CHODL: variants seen among roughly 807,000 people sequenced by gnomAD.
CHODL encodes transmembrane protein MT75.
In CHODL, 29 loss-of-function variants were observed where a neutral mutation model predicts 34.5. The ratio of observed to expected loss-of-function variants is 0.84; its 90% confidence interval spans 0.63 to 1.15. CHODL has a LOEUF of 1.15. Among genes scored for constraint, CHODL ranks in the 50% most tolerant of loss-of-function variants. The pLI, the probability that CHODL is intolerant of heterozygous loss-of-function variation, is 0.00. For missense variants in CHODL, 332 were observed against 332.5 expected (o/e 1.00, Z 0.01); for synonymous variants, 125 against 116.1 (o/e 1.08, Z -0.49).
chr21:17,956,604 G>A lies in CHODL; in HGVS notation c.-145+39204G>A, dbSNP rs1293009874. 1.5e-5 allele frequency among the ~76,000 whole-genome samples: 2 copies of A among 136,162 alleles called. 1 individual carries two copies. The highest frequency in any genetic ancestry group is 3.3e-5 in the Non-Finnish European group (2 of 60,002). 89.3% of individuals were successfully genotyped at this position (136,162 alleles called of 152,430 possible). The stretch of plus-strand genomic sequence containing the variant: ...AAATTTATTTATCACAGTTCTGGAG[G>A]CTGAGAGGTCCAAGATCAAGGCACC... On this transcript the variant is annotated intron_variant, in intron 1 of 6. Transcript: ENST00000400127.
At chr21:17,992,771 C>T (rs182241240) in intron 1 of CHODL, among the ~76,000 whole-genome samples, 1 of 114,822 alleles carries the variant, frequency 8.7e-6, no homozygotes, top group African/African-American at 3.5e-5. Flanking sequence ...TCTGTTGCTT[C>T]AGCCTCCCGA....
At chr21:18,168,152 G>T (rs1158262725) in intron 2 of CHODL, among the ~76,000 whole-genome samples, 1 of 152,206 alleles carries the variant, frequency 6.6e-6, no homozygotes, top group African/African-American at 2.4e-5. Flanking sequence ...GCAAACTGAA[G>T]GCTGCCCTGT....
intron 3 of CHODL, 114 bp from the exon 4 acceptor site, chr21:18,260,086 G>C: frequency 2.9e-6 from 1 of 343,282 alleles, no homozygotes. Context: ...GCTGTAAGCT[G>C]TTCAGAAATC....
At chr21:18,010,800 T>A (rs1287696411) in intron 1 of CHODL, among the ~76,000 whole-genome samples, 1 of 152,228 alleles carries the variant, frequency 6.6e-6, no homozygotes, top group Non-Finnish European at 1.5e-5. Context: ...CCATTTAAGC[T>A]TTTTAGCATT....
intron 1 of CHODL, among the ~76,000 whole-genome samples, chr21:17,918,163 G>A (rs1376754375): frequency 1.3e-5 from 2 of 151,234 alleles, no homozygotes; most frequent in East Asian, 3.9e-4. Context: ...TGGGGGTGAG[G>A]GGGGTTTTCA....
intron 1 of CHODL, among the ~76,000 whole-genome samples, chr21:17,932,923 G>C (rs1174593643): frequency 1.3e-5 from 2 of 152,176 alleles, no homozygotes; most frequent in African/African-American, 4.8e-5. Context: ...TCTCGGAGAG[G>C]GGGATGTGGC....
At chr21:18,111,199 C>T (rs1601017863) in intron 2 of CHODL, among the ~76,000 whole-genome samples, 1 of 152,162 alleles carries the variant, frequency 6.6e-6, no homozygotes. Context: ...ATAATATATT[C>T]CCGTTTGTGT....
intron 1 of CHODL, among the ~76,000 whole-genome samples, chr21:18,246,343 C>T (rs2074141587): frequency 6.6e-6 from 1 of 152,142 alleles, no homozygotes; most frequent in Non-Finnish European, 1.5e-5. Flanking sequence ...ACCTATACAA[C>T]AGGTGTCACT....
At chr21:18,058,554 A>C (rs2064613178) in intron 2 of CHODL, among the ~76,000 whole-genome samples, 2 of 152,230 alleles carry the variant, frequency 1.3e-5, no homozygotes. Context: ...ATGAGCTTGG[A>C]GGACATTATG....
chr21:18,016,907 T>C (rs757319879), intron 1 of CHODL, among the ~76,000 whole-genome samples: 2 of 152,228 alleles, frequency 1.3e-5, no homozygotes, highest in African/African-American at 2.4e-5. Context: ...ATTTAATGAG[T>C]GCCCTGGCAG....
At chr21:18,046,459 G>A (rs1376622625) in intron 2 of CHODL, among the ~76,000 whole-genome samples, 1 of 151,896 alleles carries the variant, frequency 6.6e-6, no homozygotes, top group East Asian at 1.9e-4. Context: ...GATATATTTT[G>A]AGATTAGAAT....
intron 2 of CHODL, among the ~76,000 whole-genome samples, chr21:18,038,225 G>T (rs1406913456): frequency 6.6e-6 from 1 of 151,658 alleles, no homozygotes; most frequent in South Asian, 2.1e-4. Flanking sequence ...ATGCTAAATT[G>T]TGCATTTCCC....
chr21:18,074,598 G>T (rs1240633562), intron 2 of CHODL, among the ~76,000 whole-genome samples: 2 of 152,126 alleles, frequency 1.3e-5, no homozygotes, highest in Non-Finnish European at 2.9e-5. Context: ...TACTTGAAGA[G>T]GAACTTGTGG....
chr21:18,229,662 A>G (rs2073961641), intron 2 of CHODL, among the ~76,000 whole-genome samples: 1 of 152,128 alleles, frequency 6.6e-6, no homozygotes, highest in South Asian at 2.1e-4. Flanking sequence ...TTTGTGGAAT[A>G]ATAATACAAA....
At chr21:18,149,105 CAT>C (rs1348998267) in intron 2 of CHODL, among the ~76,000 whole-genome samples, 1 of 152,154 alleles carries the variant, frequency 6.6e-6, no homozygotes, top group Non-Finnish European at 1.5e-5. Context: ...AAAAGTAAAA[CAT>C]AACCATCAGA....
chr21:17,986,932 A>C (rs879678912), intron 1 of CHODL, among the ~76,000 whole-genome samples: 3 of 152,200 alleles, frequency 2.0e-5, no homozygotes, highest in Non-Finnish European at 2.9e-5. Flanking sequence ...TGCCTGGAAG[A>C]GTAGACCATG....
chr21:18,028,277 CCCTTCCTTCCTTCCTT>C lies in CHODL; in HGVS notation c.-45+346_-45+361del, dbSNP rs1555853374. ...CCTTTTCTTTTTCTTTTTCCTTTTC[CCCTTCCTTCCTTCCTT>C]CCTTCCTTCCTTCCTTCCTTCCTTC... is the stretch of plus-strand genomic sequence containing the variant. On this transcript the variant is annotated intron_variant, in intron 2 of 6. Coordinates refer to the CHODL transcript ENST00000400127. Among the ~76,000 whole-genome samples, 28 of 98,998 alleles carry C rather than the reference CCCTTCCTTCCTTCCTT, an allele frequency of 2.8e-4. 1 individual carries two copies. The highest frequency in any genetic ancestry group is 2.0e-3 in the East Asian group (6 of 3,030). The allele number at this position is 98,998 out of a possible 152,430, so 64.9% of individuals were successfully genotyped here.
intron 2 of CHODL, among the ~76,000 whole-genome samples, chr21:18,232,960 T>TATATATATATAG (rs2073996096): frequency 6.9e-6 from 1 of 144,034 alleles, no homozygotes; most frequent in Admixed American, 6.9e-5. Context: ...TATATATATA[T>TATATATATATAG]ATATATATAT....
At chr21:17,922,313 G>A (rs1030298060) in intron 1 of CHODL, among the ~76,000 whole-genome samples, 52 of 152,148 alleles carry the variant, frequency 3.4e-4, no homozygotes, top group African/African-American at 1.2e-3. Context: ...GTTGGCTAAA[G>A]GTCATTCCAG....
Sources: gnomAD v4.1 joint callset for allele counts (sites outside exome capture counted in the v4.1 genomes callset) on GRCh38, gnomAD v4.1.1 for gene constraint, MANE v1.5 for transcripts, NCBI Gene and HGNC (gene_info 2026-07-23, HGNC 2026-07-21) for gene names.